Variants in MANEA observed in about 807,000 individuals in gnomAD.
MANEA encodes mannosidase endo-alpha, also known as glycoprotein endo-alpha-1,2-mannosidase.
In MANEA, 25 loss-of-function variants were observed where a neutral mutation model predicts 36.8. The observed-to-expected ratio is 0.68, with a 90% confidence interval of 0.50 to 0.95. The LOEUF (loss-of-function observed/expected upper bound fraction) is 0.95, where lower values mean the gene tolerates loss of function less well. Ranked by LOEUF, MANEA falls within the 40% of genes least tolerant of loss-of-function variation. The probability of loss-of-function intolerance (pLI) is 0.00; values close to 1 mark genes in which losing one functional copy is unlikely to be tolerated. For missense variants in MANEA, 565 were observed against 558.8 expected (o/e 1.01, Z -0.11); for synonymous variants, 198 against 188.5 (o/e 1.05, Z -0.41).
intron 4 of MANEA, among the ~76,000 whole-genome samples, chr6:95,605,147 T>G (rs1769674457): frequency 6.6e-6 from 1 of 152,092 alleles, no homozygotes; most frequent in Non-Finnish European, 1.5e-5. Context: ...ATAGGCTATT[T>G]ATGATTTCTG....
intron 3 of MANEA, among the ~76,000 whole-genome samples, chr6:95,604,504 A>G (rs570529797): frequency 1.8e-4 from 27 of 152,148 alleles, no homozygotes; most frequent in East Asian, 5.8e-4. Context: ...CAGATCATCA[A>G]TATTACCTCC....
chr6:95,587,212 A>G (rs1769306253), intron 2 of MANEA: 1 of 446,480 alleles, frequency 2.2e-6, no homozygotes, highest in East Asian at 3.6e-5. Flanking sequence ...TTCTGGATAT[A>G]TTGTTGATTT....
intron 2 of MANEA, 64 bp from the exon 3 acceptor site, chr6:95,596,673 C>T: frequency 2.3e-6 from 2 of 883,500 alleles, no homozygotes; most frequent in East Asian, 2.4e-5. Flanking sequence ...CTTACTGTGC[C>T]TTTTTAAGAA....
intron 2 of MANEA, chr6:95,587,202 T>C: frequency 2.1e-6 from 1 of 470,706 alleles, no homozygotes; most frequent in Non-Finnish European, 3.8e-6. Context: ...TTTGGAGCAT[T>C]TCTGGATATA....
At position 95,580,323 on chromosome 6, in the gene MANEA, T is replaced by C. The variant is rs77681845; in HGVS notation, c.-39+2685T>C. ...CACTTAATGAACACTATGTGAAAGA[T>C]ATGTTATGCTCTACTAGAATGTGAA... On this transcript the variant is annotated intron_variant, in intron 1 of 4. Transcript: ENST00000358812. Among the ~76,000 whole-genome samples, 394 of 152,232 alleles carry C rather than the reference T, an allele frequency of 2.6e-3. 3 individuals are homozygous for C. The highest frequency in any genetic ancestry group is 9.1e-3 in the African/African-American group (379 of 41,524).
At chr6:95,589,821 A>C (rs1680164678) in intron 2 of MANEA, among the ~76,000 whole-genome samples, 1 of 152,078 alleles carries the variant, frequency 6.6e-6, no homozygotes, top group African/African-American at 2.4e-5. Flanking sequence ...TATTTGGCAA[A>C]AGGGGAATTA....
chr6:95,600,554 T>G (rs1769569429), intron 3 of MANEA, among the ~76,000 whole-genome samples: 1 of 152,208 alleles, frequency 6.6e-6, no homozygotes, highest in African/African-American at 2.4e-5. Flanking sequence ...TGGAAAACTT[T>G]CCCTTTTCTT....
intron 2 of MANEA, chr6:95,590,173 G>A (rs762586546): frequency 2.0e-5 from 3 of 152,128 alleles, no homozygotes; most frequent in Admixed American, 1.3e-4. Flanking sequence ...AAAACTGTAA[G>A]GTAATAAATT....
At chr6:95,603,567 CT>C (rs1651273602) in intron 3 of MANEA, among the ~76,000 whole-genome samples, 1 of 151,784 alleles carries the variant, frequency 6.6e-6, no homozygotes, top group Admixed American at 6.6e-5. Context: ...TATTATTTAA[CT>C]TTAAAATTAA....
chr6:95,592,336 A>T (rs1411175614), intron 2 of MANEA, among the ~76,000 whole-genome samples: 1 of 152,090 alleles, frequency 6.6e-6, no homozygotes, highest in African/African-American at 2.4e-5. Context: ...TGTCCATTAG[A>T]TCCTTTAAGA....
chr6:95,588,199 C>T (rs548338659), intron 2 of MANEA: 1 of 151,920 alleles, frequency 6.6e-6, no homozygotes, highest in Non-Finnish European at 1.5e-5. Flanking sequence ...TTTTTAGTGC[C>T]CCTACCAGTA....
chr6:95,577,979 C>G (rs979896715), intron 1 of MANEA, among the ~76,000 whole-genome samples: 3 of 152,226 alleles, frequency 2.0e-5, no homozygotes, highest in Non-Finnish European at 4.4e-5. Context: ...CTTGTCTCCC[C>G]GACAAGGTGG....
Position 95,605,850 on chromosome 6 carries a change from G to A in MANEA, c.834G>A (p.Trp278Ter), listed in dbSNP as rs1373770590. 4 of 1,613,618 alleles carry A rather than the reference G, an allele frequency of 2.5e-6. No homozygotes were observed. Among genetic ancestry groups the A allele is most frequent in the South Asian group, 1.1e-5 (1 of 91,016 alleles). Residue 278 changes from tryptophan (W) to a stop codon, truncating the protein, a stop_gained, in exon 5 of 5, where the codon TGG (tryptophan) becomes TGA (stop). Coordinates refer to ENST00000358812, the MANE Select transcript of MANEA (RefSeq NM_024641.4). LOFTEE classifies it high-confidence loss of function. ...YDSYITKPEK[W>*]ANLLTTSGSR... ...CCTATATTACCAAGCCTGAAAAATGGGCCAATCTGTTAACCACCTCAGGGT... is the reference window on the plus strand; with the variant it reads ...CCTATATTACCAAGCCTGAAAAATGAGCCAATCTGTTAACCACCTCAGGGT...
In MANEA at chr6:95,606,215, C is replaced by T; in HGVS notation, c.1199C>T (p.Thr400Ile). The change falls in exon 5 of 5, where the codon ACC (threonine) becomes ATC (isoleucine). Residue 400 changes from threonine (T) to isoleucine (I), a missense_variant. Thr to Ile is a moderately conservative substitution (Grantham distance 89). Coordinates refer to ENST00000358812, the MANE Select transcript of MANEA (RefSeq NM_024641.4). ...LQTRPSLISI[T>I]SFNEWHEGTQ... ...ACACGCCCCAGCTTAATTTCTATCA[C>T]CTCTTTTAATGAGTGGCATGAAGGA... The T allele has an allele frequency of 2.6e-5, 42 of 1,614,006 alleles. No homozygotes were observed. The highest frequency in any genetic ancestry group is 3.5e-5 in the Non-Finnish European group (41 of 1,179,968).
rs564085898 is a variant in MANEA, at chr6:95,586,411, T to C, written c.-29T>C. 7.4e-5 allele frequency: 115 copies of C among 1,550,172 alleles called. 1 individual carries two copies. The South Asian group carries it at 1.2e-3, about 16-fold the overall frequency. On this transcript the variant is annotated 5_prime_UTR_variant, in exon 2 of 5. Transcript: ENST00000358812. The stretch of plus-strand genomic sequence containing the variant: ...TTTCAATAAATTGCAGCAAAACACT[T>C]ACTATTTTGGAGTTTAAAGTATGTC...
intron 3 of MANEA, among the ~76,000 whole-genome samples, chr6:95,601,315 T>C (rs1769585881): frequency 6.6e-6 from 1 of 152,202 alleles, no homozygotes; most frequent in Non-Finnish European, 1.5e-5. Flanking sequence ...GATTCCGTCA[T>C]TGTTTAGCAA....
intron 3 of MANEA, among the ~76,000 whole-genome samples, chr6:95,601,064 A>G (rs2127944318): frequency 1.3e-5 from 2 of 152,268 alleles, no homozygotes; most frequent in South Asian, 4.1e-4. Context: ...GGAAGTGTAA[A>G]TGAGTGAAAC....
intron 3 of MANEA, among the ~76,000 whole-genome samples, chr6:95,604,056 A>AGGTGTG (rs1318756717): frequency 3.1e-4 from 18 of 58,534 alleles, no homozygotes; most frequent in East Asian, 1.7e-3. Context: ...GTATATATGT[A>AGGTGTG]TGTAGGTGTG....
rs1171350053 is a variant in MANEA, at chr6:95,606,532, TA to T, written c.*130del. ...TTAGTTATATTTAAAAATATTTTTT[TA>T]AATTCTTTACAGATAATATTATACT... On this transcript the variant is annotated 3_prime_UTR_variant, in exon 5 of 5. Transcript: ENST00000358812. 6 of 482,348 alleles carry T rather than the reference TA, an allele frequency of 1.2e-5. No individual in the cohort carries two copies. Among genetic ancestry groups the T allele is most frequent in the African/African-American group, 8.0e-5 (4 of 49,864 alleles). The allele number at this position is 482,348 out of a possible 1,614,324, so 29.9% of individuals were successfully genotyped here.
Sources: allele counts gnomAD v4.1 joint callset (sites outside exome capture counted in the v4.1 genomes callset), GRCh38; gene constraint gnomAD v4.1.1; transcripts MANE v1.5; gene names NCBI Gene and HGNC (gene_info 2026-07-23, HGNC 2026-07-21).